The following NUP42 variants were observed in gnomAD, a reference collection of about 807,000 sequenced individuals.
NUP42 encodes the protein nucleoporin 42, also known as nucleoporin NUP42.
A neutral mutation model predicts 35.9 loss-of-function variants in NUP42; 47 were observed. That is an observed-to-expected ratio of 1.31 (90% CI 1.04 to 1.67). The LOEUF (loss-of-function observed/expected upper bound fraction) is 1.67. Among genes scored for constraint, NUP42 ranks in the 40% most tolerant of loss-of-function variants. NUP42 has a pLI of 0.00. For synonymous variants in NUP42, 173 were observed against 173.3 expected (o/e 1.00, Z 0.01); for missense variants, 514 against 492.2 (o/e 1.04, Z -0.42).
In NUP42 at chr7:23,182,078, C is replaced by G. The variant is rs751152483; in HGVS notation, c.-8C>G. 5.0e-6 allele frequency: 8 copies of G among 1,613,520 alleles called. No individual in the cohort carries two copies. The highest frequency in any genetic ancestry group is 1.1e-5 in the South Asian group (1 of 91,092). Reference sequence around the variant, plus strand: ...CTGAAGACGCCCTCCGTCAGCGACGCCGTCGCAATGGCCATTTGTCAATTC... The same window carrying G: ...CTGAAGACGCCCTCCGTCAGCGACGGCGTCGCAATGGCCATTTGTCAATTC... On this transcript the variant is annotated 5_prime_UTR_variant, in exon 1 of 7. Coordinates refer to ENST00000258742, the MANE Select transcript of NUP42 (RefSeq NM_007342.3).
rs763457240 is a variant in NUP42 at position 23,199,496 on chromosome 7, T to C, written c.648T>C (p.Pro216=). The change falls in exon 6 of 7, where the codon CCT becomes CCC. Residue 216 remains proline, a synonymous_variant. Coordinates refer to ENST00000258742, the MANE Select transcript of NUP42 (RefSeq NM_007342.3). The part of the protein sequence containing the change: ...DVKDGVNQAA[P]AFGFGSSQAA... Reference sequence around the variant, plus strand: ...AGGATGGAGTAAATCAAGCAGCACCTGCATTTGGATTTGGCAGCAGTCAAG... The same window carrying C: ...AGGATGGAGTAAATCAAGCAGCACCCGCATTTGGATTTGGCAGCAGTCAAG... The C allele has an allele frequency of 6.2e-7, 1 of 1,614,114 alleles. No individual in the cohort carries two copies. Among genetic ancestry groups the C allele is most frequent in the South Asian group, 1.1e-5 (1 of 91,088 alleles).
chr7:23,196,416 G>A (rs1365668350), intron 4 of NUP42: 2 of 376,550 alleles, frequency 5.3e-6, no homozygotes, highest in Non-Finnish European at 9.6e-6. Flanking sequence ...TGTATTCACC[G>A]CCCATCCAAA....
intron 3 of NUP42, among the ~76,000 whole-genome samples, chr7:23,191,100 G>T (rs1411598151): frequency 6.6e-6 from 1 of 152,210 alleles, no homozygotes; most frequent in Non-Finnish European, 1.5e-5. Flanking sequence ...TAAGAACAAG[G>T]TTGGCAGTGT....
intron 3 of NUP42, chr7:23,188,472 G>A (rs1370912415): frequency 1.9e-5 from 19 of 985,416 alleles, no homozygotes; most frequent in Non-Finnish European, 2.3e-5. Context: ...TAGTACTTGA[G>A]TATTAATCCA....
intron 3 of NUP42, chr7:23,187,934 CT>C: frequency 2.8e-6 from 1 of 359,710 alleles, no homozygotes. Flanking sequence ...AGAATATTCT[CT>C]GTCTCTCTCT....
rs75434947 is a variant in NUP42 at position 23,183,907 on chromosome 7, G to C, written c.122-1163G>C. Among the ~76,000 whole-genome samples, 10 of 129,814 alleles carry C rather than the reference G, an allele frequency of 7.7e-5. No individual in the cohort carries two copies. The East Asian group carries it at 2.1e-3, about 27-fold the overall frequency. 85.2% of individuals were successfully genotyped at this position (129,814 alleles called of 152,430 possible). A position where few individuals can be genotyped will look rare whatever the true frequency, so the allele number is the denominator to read the frequency against. Reference sequence around the variant, plus strand: ...TCCACTTTTTTTTTTTTTTTTTTTAGGGTAGTTTAGAGTTGCAGGATGAAC... The same window carrying C: ...TCCACTTTTTTTTTTTTTTTTTTTACGGTAGTTTAGAGTTGCAGGATGAAC... On this transcript the variant is annotated intron_variant, in intron 1 of 6. Coordinates refer to ENST00000258742, the MANE Select transcript of NUP42 (RefSeq NM_007342.3).
intron 3 of NUP42, among the ~76,000 whole-genome samples, chr7:23,190,504 T>C (rs1785753091): frequency 2.0e-5 from 3 of 152,246 alleles, no homozygotes; most frequent in Admixed American, 1.3e-4. Context: ...ATGTGGTAAT[T>C]ATCAATGTAA....
chr7:23,188,060 T>G, intron 3 of NUP42: 2 of 1,449,214 alleles, frequency 1.4e-6, no homozygotes, highest in Non-Finnish European at 1.8e-6. Flanking sequence ...GGCTGAAACC[T>G]AGACCACCGG....
intron 5 of NUP42, chr7:23,198,205 C>A (rs1287921060): frequency 2.7e-5 from 2 of 73,678 alleles, no homozygotes; most frequent in Non-Finnish European, 2.4e-5. Context: ...CAAAAGCATT[C>A]TTTTTTTTTT....
Position 23,193,256 on chromosome 7 carries a change from G to T in NUP42, c.446-2583G>T, listed in dbSNP as rs551823535. On this transcript the variant is annotated intron_variant, in intron 3 of 6. Transcript: ENST00000258742. The stretch of plus-strand genomic sequence containing the variant: ...ACGAAGCTTCCACAGTGTGGAAGAG[G>T]AGCTGAGCGGGTTGCCACTGCTGGC... Among the ~76,000 whole-genome samples, 97 of 152,316 alleles carry T rather than the reference G, an allele frequency of 6.4e-4. 1 individual carries two copies. The highest frequency in any genetic ancestry group is 2.3e-3 in the African/African-American group (94 of 41,572).
At position 23,192,951 on chromosome 7, in the gene NUP42, C is replaced by T. The variant is rs1374718272; in HGVS notation, c.446-2888C>T. On this transcript the variant is annotated intron_variant, in intron 3 of 6. Coordinates refer to ENST00000258742, the MANE Select transcript of NUP42 (RefSeq NM_007342.3). ...TTACAGTTCTTAAAGACATCGTGTC[C>T]GGAGTTTGTTCCTTCTGATGTTCAG... is the stretch of plus-strand genomic sequence containing the variant. Among the ~76,000 whole-genome samples the T allele has an allele frequency of 4.6e-5, 7 of 152,090 alleles. No individual in the cohort carries two copies. In the South Asian group the frequency reaches 6.2e-4, roughly 14 times the overall value.
intron 4 of NUP42, 84 bp from the exon 5 acceptor site, chr7:23,196,596 C>T (rs752567714): frequency 1.6e-5 from 16 of 1,000,582 alleles, no homozygotes; most frequent in Non-Finnish European, 2.5e-5. Flanking sequence ...GTGATTTTGG[C>T]AAAGAAGTAT....
intron 3 of NUP42, chr7:23,195,131 G>A (rs1450458741): frequency 6.6e-6 from 1 of 152,230 alleles, no homozygotes; most frequent in African/African-American, 2.4e-5. Flanking sequence ...ATAAGTCACA[G>A]GATATGAATG....
intron 3 of NUP42, 102 bp from the exon 4 acceptor site, chr7:23,195,736 AT>A: frequency 2.9e-6 from 2 of 695,228 alleles, no homozygotes; most frequent in Non-Finnish European, 4.8e-6. Flanking sequence ...GGTTATGAAA[AT>A]TTTCTAATCA....
chr7:23,191,529 GGAA>G (rs1785791823), intron 3 of NUP42, among the ~76,000 whole-genome samples: 1 of 152,102 alleles, frequency 6.6e-6, no homozygotes, highest in Non-Finnish European at 1.5e-5. Context: ...GTAAAGATGG[GGAA>G]GACAAGTCAT....
chr7:23,186,571 A>G (rs1482358117), intron 2 of NUP42, among the ~76,000 whole-genome samples: 4 of 152,204 alleles, frequency 2.6e-5, no homozygotes, highest in African/African-American at 9.7e-5. Flanking sequence ...CCCACTTTTA[A>G]AATATTATGA....
chr7:23,185,317 G>T lies in NUP42; in HGVS notation c.350+19G>T. The stretch of plus-strand genomic sequence containing the variant: ...AACTTCTGTAAGTGAAAGTTTTCAG[G>T]AAAATTACTATCCATTTGCTTATGT... On this transcript the variant is annotated intron_variant, in intron 2 of 6. Transcript: ENST00000258742. 6.6e-7 allele frequency: 1 copy of T among 1,525,048 alleles called. No individual in the cohort carries two copies. The highest frequency in any genetic ancestry group is 1.7e-5 in the Admixed American group (1 of 57,312). The allele number at this position is 1,525,048 out of a possible 1,614,324, so 94.5% of individuals were successfully genotyped here.
At chr7:23,190,858 A>G (rs778973662) in intron 3 of NUP42, among the ~76,000 whole-genome samples, 1 of 152,240 alleles carries the variant, frequency 6.6e-6, no homozygotes, top group Non-Finnish European at 1.5e-5. Flanking sequence ...ACTTGAGAAA[A>G]TTATCACTCA....
chr7:23,199,872 T>C (rs911340984), intron 6 of NUP42, among the ~76,000 whole-genome samples: 11 of 152,200 alleles, frequency 7.2e-5, no homozygotes, highest in Non-Finnish European at 1.3e-4. Flanking sequence ...GTAGCAGCTC[T>C]GGTGAGGTAA....
Sources: allele counts gnomAD v4.1 joint callset (sites outside exome capture counted in the v4.1 genomes callset), GRCh38; gene constraint gnomAD v4.1.1; transcripts MANE v1.5; gene names NCBI Gene and HGNC (gene_info 2026-07-23, HGNC 2026-07-21).